The following TBCK variants were observed in gnomAD, a reference collection of about 807,000 sequenced individuals.
The protein encoded by TBCK is TBC1 domain containing kinase.
TBCK carries 99 observed loss-of-function variants against 113.4 expected under a neutral mutation model. The observed-to-expected ratio is 0.87, with a 90% CI of 0.74 to 1.03. The LOEUF is 1.03. Among genes scored for constraint, TBCK ranks in the 50% least tolerant of loss-of-function variants. TBCK has a pLI of 0.00. For missense variants in TBCK, 1,045 were observed against 1,061.3 expected (o/e 0.98, Z 0.21); for synonymous variants, 369 against 370.8 (o/e 1.00, Z 0.05).
intron 25 of TBCK, among the ~76,000 whole-genome samples, chr4:106,058,077 T>C (rs924364882): frequency 3.3e-5 from 5 of 151,784 alleles, no homozygotes; most frequent in African/African-American, 1.2e-4. Flanking sequence ...CTTAATCAAT[T>C]TGCCTATCAA....
At position 106,197,411 on chromosome 4, in the gene TBCK, G is replaced by GTGTATATATATA. The variant is rs35695611; in HGVS notation, c.1861-2658_1861-2657insTATATATATACA. The stretch of plus-strand genomic sequence containing the variant: ...AGTGTGTGTGTGTGTGTGTGTGTGT[G>GTGTATATATATA]TATATATATATATATATATATAATA... On this transcript the variant is annotated intron_variant, in intron 20 of 25. Transcript: ENST00000394708. 3.8e-3 allele frequency among the ~76,000 whole-genome samples: 467 copies of GTGTATATATATA among 122,452 alleles called. 6 individuals are homozygous for GTGTATATATATA. The highest frequency in any genetic ancestry group is 0.019 in the South Asian group (64 of 3,400). The allele number at this position is 122,452 out of a possible 152,430, so 80.3% of individuals were successfully genotyped here.
At chr4:106,285,348 G>A (rs959170833) in intron 3 of TBCK, among the ~76,000 whole-genome samples, 5 of 151,898 alleles carry the variant, frequency 3.3e-5, no homozygotes, top group African/African-American at 7.3e-5. Flanking sequence ...AAGAGAGAAC[G>A]TTTGATTTTC....
chr4:106,233,201 A>G, intron 16 of TBCK, 137 bp from the exon 17 acceptor site: 1 of 779,774 alleles, frequency 1.3e-6, no homozygotes, highest in Non-Finnish European at 2.0e-6. Context: ...TAAGTGCCTA[A>G]TTTTTTGAAT....
chr4:106,173,651 C>A (rs537843749), intron 22 of TBCK, among the ~76,000 whole-genome samples: 1 of 152,214 alleles, frequency 6.6e-6, no homozygotes, highest in Admixed American at 6.5e-5. Context: ...TGATGATGTA[C>A]TGGCATCCAT....
intron 19 of TBCK, among the ~76,000 whole-genome samples, chr4:106,215,145 C>G (rs1400919495): frequency 6.6e-6 from 1 of 151,636 alleles, no homozygotes; most frequent in Non-Finnish European, 1.5e-5. Context: ...AAATAAAATA[C>G]TTTACAGACA....
chr4:106,285,839 A>G (rs952908758), intron 3 of TBCK, among the ~76,000 whole-genome samples: 1 of 152,206 alleles, frequency 6.6e-6, no homozygotes, highest in Non-Finnish European at 1.5e-5. Context: ...GAAAGAACTA[A>G]TTTATAAACC....
intron 22 of TBCK, among the ~76,000 whole-genome samples, chr4:106,180,060 GCT>G (rs561239916): frequency 3.3e-5 from 5 of 151,732 alleles, no homozygotes; most frequent in African/African-American, 7.3e-5. Flanking sequence ...AGTTGCTTCA[GCT>G]CTCTCTATAG....
chr4:106,153,451 T>C (rs996701311), intron 23 of TBCK, among the ~76,000 whole-genome samples: 2 of 152,140 alleles, frequency 1.3e-5, no homozygotes, highest in African/African-American at 4.8e-5. Context: ...GTTTTAAGAT[T>C]TGCTTTGTCT....
At chr4:106,164,719 C>T (rs189297928) in intron 23 of TBCK, among the ~76,000 whole-genome samples, 3 of 151,696 alleles carry the variant, frequency 2.0e-5, no homozygotes, top group Admixed American at 2.0e-4. Flanking sequence ...AATCATAAAG[C>T]ACTGTGGTGT....
At chr4:106,231,852 C>G (rs1758891911) in intron 17 of TBCK, 73 bp from the exon 18 acceptor site, 1 of 1,277,158 alleles carries the variant, frequency 7.8e-7, no homozygotes, top group East Asian at 2.3e-5. Flanking sequence ...ATACCTTATT[C>G]AATTCTTTGC....
At chr4:106,080,511 A>G (rs1738724346) in intron 25 of TBCK, among the ~76,000 whole-genome samples, 1 of 152,226 alleles carries the variant, frequency 6.6e-6, no homozygotes, top group Non-Finnish European at 1.5e-5. Flanking sequence ...TACCATATAC[A>G]AAAACTGACT....
Position 106,264,908 on chromosome 4 carries a change from A to G in TBCK, c.267-2696T>C, listed in dbSNP as rs183433165. 5.9e-5 allele frequency among the ~76,000 whole-genome samples: 9 copies of G among 152,110 alleles called. No individual in the cohort carries two copies. The East Asian group carries it at 1.5e-3, about 26-fold the overall frequency. On this transcript the variant is annotated intron_variant, in intron 3 of 25. Transcript: ENST00000394708. ...CTTTAAACTTGGAAAGAATTACTCC[A>G]TTGTCTTATAGCATTCTTTATTAAT...
intron 24 of TBCK, among the ~76,000 whole-genome samples, chr4:106,108,706 G>T (rs1452818489): frequency 6.6e-6 from 1 of 152,164 alleles, no homozygotes; most frequent in Non-Finnish European, 1.5e-5. Context: ...CACAAGACAA[G>T]GATGCCCTCT....
At chr4:106,105,062 G>T (rs1212523756) in intron 24 of TBCK, among the ~76,000 whole-genome samples, 1 of 152,218 alleles carries the variant, frequency 6.6e-6, no homozygotes, top group Admixed American at 6.5e-5. Flanking sequence ...GCAAATAAAA[G>T]CCTCTCTGCC....
rs1243140763 is a variant in TBCK, at chr4:106,044,569, G to A, written c.*2001C>T. 1 of 152,014 alleles carries A rather than the reference G, an allele frequency of 6.6e-6. No individual in the cohort carries two copies. Among genetic ancestry groups the A allele is most frequent in the Non-Finnish European group, 1.5e-5 (1 of 68,002 alleles). The allele number at this position is 152,014 out of a possible 1,614,324, so 9.4% of individuals were successfully genotyped here. ...AACAAACAAAACAGGAGGGGTCCTG[G>A]GACAACTGGATACTCATATGCAAGA... On this transcript the variant is annotated 3_prime_UTR_variant, in exon 26 of 26. Transcript: ENST00000394708.
rs763379551 is a variant in TBCK, at chr4:106,193,806, C to A, written c.1898-36G>T. 3.6e-5 allele frequency: 49 copies of A among 1,346,874 alleles called. No individual in the cohort carries two copies. In the African/African-American group the frequency reaches 5.2e-4, roughly 14 times the overall value. 83.4% of individuals were successfully genotyped at this position (1,346,874 alleles called of 1,614,324 possible). On this transcript the variant is annotated intron_variant, in intron 21 of 25. Transcript: ENST00000394708. ...ATAAAAATACAAATAAATTAAAAAA[C>A]CAAAATAACAATTAAAACAATAACA...
intron 25 of TBCK, among the ~76,000 whole-genome samples, chr4:106,076,396 C>T (rs1446618835): frequency 6.6e-6 from 1 of 152,164 alleles, no homozygotes; most frequent in African/African-American, 2.4e-5. Context: ...AATGTAGCAG[C>T]AGCAACAGCA....
At chr4:106,054,745 A>C (rs1279954358) in intron 25 of TBCK, among the ~76,000 whole-genome samples, 2 of 151,696 alleles carry the variant, frequency 1.3e-5, no homozygotes, top group Non-Finnish European at 1.5e-5. Context: ...GTCAGGCACT[A>C]TGCTAGGGAC....
intron 23 of TBCK, among the ~76,000 whole-genome samples, chr4:106,166,090 T>G (rs1002686518): frequency 1.3e-5 from 2 of 151,806 alleles, no homozygotes; most frequent in Non-Finnish European, 3.0e-5. Flanking sequence ...ACCTGAATTC[T>G]GATTATGCTA....
Sources: allele counts gnomAD v4.1 joint callset (sites outside exome capture counted in the v4.1 genomes callset), GRCh38; gene constraint gnomAD v4.1.1; transcripts MANE v1.5; gene names NCBI Gene and HGNC (gene_info 2026-07-23, HGNC 2026-07-21).